The following LYN variants were observed in gnomAD, a reference collection of about 807,000 sequenced individuals.
LYN encodes the protein LYN proto-oncogene, Src family tyrosine kinase, also known as tyrosine-protein kinase Lyn.
A neutral mutation model predicts 65.0 loss-of-function variants in LYN; 12 were observed. The observed-to-expected ratio is 0.18, with a 90% CI of 0.12 to 0.30. LYN has a LOEUF of 0.30. Among genes scored for constraint, LYN ranks in the 10% least tolerant of loss-of-function variants. LYN has a pLI of 1.00. For missense variants in LYN, 380 were observed against 623.2 expected (o/e 0.61, Z 4.16); for synonymous variants, 222 against 221.2 (o/e 1.00, Z -0.03).
chr8:55,913,874 G>A (rs930334501), intron 1 of LYN, among the ~76,000 whole-genome samples: 2 of 152,176 alleles, frequency 1.3e-5, no homozygotes, highest in South Asian at 2.1e-4. Context: ...GAAGGGCCTT[G>A]GAGTACTGGG....
intron 12 of LYN, among the ~76,000 whole-genome samples, chr8:56,002,136 G>T (rs962796579): frequency 2.6e-5 from 4 of 152,150 alleles, no homozygotes; most frequent in Non-Finnish European, 5.9e-5. Context: ...TAAAAATTAG[G>T]CTGGGTGCAG....
At chr8:55,988,291 G>GGTGTGTGTGTGT (rs57413136) in intron 10 of LYN, among the ~76,000 whole-genome samples, 3,483 of 142,094 alleles carry the variant, frequency 0.025, 48 homozygotes, top group African/African-American at 0.042. Flanking sequence ...CAAACTCCCT[G>GGTGTGTGTGTGT]GTGTGTGTGT....
intron 1 of LYN, among the ~76,000 whole-genome samples, chr8:55,881,546 AT>A (rs1204583638): frequency 6.6e-6 from 1 of 152,178 alleles, no homozygotes; most frequent in Non-Finnish European, 1.5e-5. Context: ...GCCTGAATAA[AT>A]TTCACTGGAT....
At chr8:56,007,340 A>AT (rs1472950011) in intron 12 of LYN, among the ~76,000 whole-genome samples, 2 of 152,256 alleles carry the variant, frequency 1.3e-5, no homozygotes, top group African/African-American at 4.8e-5. Flanking sequence ...TGCTGAGGCC[A>AT]TATCATTTTG....
At chr8:55,911,179 A>ACGTG (rs1805611714) in intron 1 of LYN, among the ~76,000 whole-genome samples, 1 of 24,932 alleles carries the variant, frequency 4.0e-5, no homozygotes, top group African/African-American at 9.9e-5. Flanking sequence ...ACACGTATAT[A>ACGTG]TATATATATA....
intron 8 of LYN, among the ~76,000 whole-genome samples, chr8:55,964,792 A>G (rs1413335306): frequency 6.6e-6 from 1 of 152,240 alleles, no homozygotes; most frequent in African/African-American, 2.4e-5. Flanking sequence ...AAGAGAAAGT[A>G]GAAGTCACTC....
At chr8:55,984,531 C>G (rs1808020734) in intron 10 of LYN, among the ~76,000 whole-genome samples, 1 of 152,242 alleles carries the variant, frequency 6.6e-6, no homozygotes, top group Non-Finnish European at 1.5e-5. Context: ...CATTGTATAT[C>G]CAATTCCTCA....
chr8:55,932,526 A>G (rs901250502), intron 1 of LYN, among the ~76,000 whole-genome samples: 1 of 152,074 alleles, frequency 6.6e-6, no homozygotes, highest in African/African-American at 2.4e-5. Context: ...AGTTCAAGCA[A>G]TTCTCCTGCC....
chr8:55,954,867 TAAATA>T (rs1289847530), intron 8 of LYN, among the ~76,000 whole-genome samples: 5 of 132,188 alleles, frequency 3.8e-5, no homozygotes, highest in Non-Finnish European at 8.4e-5. Context: ...AATAAATAAA[TAAATA>T]AAAGTTTTCA....
intron 12 of LYN, among the ~76,000 whole-genome samples, chr8:56,006,310 A>T (rs1471699903): frequency 6.6e-6 from 1 of 151,494 alleles, no homozygotes; most frequent in African/African-American, 2.4e-5. Flanking sequence ...AGCTCAGAAA[A>T]TAATAATAGT....
intron 12 of LYN, among the ~76,000 whole-genome samples, chr8:56,003,263 G>A (rs920055038): frequency 2.0e-5 from 3 of 151,878 alleles, no homozygotes; most frequent in Non-Finnish European, 4.4e-5. Flanking sequence ...GGGTTTTGCC[G>A]TGTTAGCCAG....
intron 1 of LYN, among the ~76,000 whole-genome samples, chr8:55,920,269 C>T (rs1263362283): frequency 6.6e-6 from 1 of 152,142 alleles, no homozygotes; most frequent in Non-Finnish European, 1.5e-5. Context: ...CAGACATTAT[C>T]TGGAGTGCTG....
intron 1 of LYN, among the ~76,000 whole-genome samples, chr8:55,926,140 A>C (rs1301399543): frequency 6.6e-6 from 1 of 152,256 alleles, no homozygotes; most frequent in Non-Finnish European, 1.5e-5. Context: ...TTTAACATAA[A>C]ACAGCAGATT....
At chr8:55,986,238 G>A (rs926297825) in intron 10 of LYN, among the ~76,000 whole-genome samples, 1 of 149,936 alleles carries the variant, frequency 6.7e-6, no homozygotes, top group Non-Finnish European at 1.5e-5. Flanking sequence ...GAGTAGTCAT[G>A]GCATGGCATC....
At chr8:55,907,363 G>A (rs1364795935) in intron 1 of LYN, among the ~76,000 whole-genome samples, 1 of 152,114 alleles carries the variant, frequency 6.6e-6, no homozygotes, top group Admixed American at 6.5e-5. Flanking sequence ...AAGTCAAACA[G>A]ATAAGAATAT....
intron 1 of LYN, among the ~76,000 whole-genome samples, chr8:55,884,605 G>A (rs1279571350): frequency 3.3e-5 from 5 of 151,708 alleles, no homozygotes; most frequent in Admixed American, 6.6e-5. Flanking sequence ...ACAGGCGCCC[G>A]CCACCATGCC....
intron 1 of LYN, among the ~76,000 whole-genome samples, chr8:55,913,690 C>T (rs938294945): frequency 6.6e-6 from 1 of 152,156 alleles, no homozygotes; most frequent in Non-Finnish European, 1.5e-5. Context: ...GACAAGTGCT[C>T]TACTTGAAAT....
At chr8:55,942,046 A>G (rs908806201) in intron 2 of LYN, 55 bp downstream of exon 2, 2 of 1,590,410 alleles carry the variant, frequency 1.3e-6, no homozygotes, top group Middle Eastern at 1.7e-4. Context: ...GCATGGCTAC[A>G]TAATTTAAAC....
chr8:55,882,974 T>A (rs1187064828), intron 1 of LYN, among the ~76,000 whole-genome samples: 1 of 152,240 alleles, frequency 6.6e-6, no homozygotes, highest in Admixed American at 6.5e-5. Flanking sequence ...TTGAAAATAC[T>A]GAAAGTAGAA....
Sources: allele counts gnomAD v4.1 joint callset (sites outside exome capture counted in the v4.1 genomes callset), GRCh38; gene constraint gnomAD v4.1.1; transcripts MANE v1.5; gene names NCBI Gene and HGNC (gene_info 2026-07-23, HGNC 2026-07-21).